Variants in PCDHGB2 observed in about 807,000 individuals in gnomAD.
PCDHGB2 encodes protocadherin gamma subfamily B, 2.
A neutral mutation model predicts 59.3 loss-of-function variants in PCDHGB2; 55 were observed. The observed-to-expected ratio is 0.93, with a 90% CI of 0.75 to 1.16. PCDHGB2 has a LOEUF of 1.16. Among genes scored for constraint, PCDHGB2 ranks in the 50% most tolerant of loss-of-function variants. PCDHGB2 has a pLI of 0.00. For missense variants in PCDHGB2, 1,228 were observed against 1,198.5 expected (o/e 1.02, Z -0.36); for synonymous variants, 516 against 512.0 (o/e 1.01, Z -0.11).
chr5:141,465,429 A>G (rs1191638112), intron 1 of PCDHGB2, among the ~76,000 whole-genome samples: 2 of 152,316 alleles, frequency 1.3e-5, no homozygotes, highest in East Asian at 3.9e-4. Context: ...AAAGGTGGGC[A>G]CTTAATGATT....
At chr5:141,374,613 A>G (rs1770655332) in intron 1 of PCDHGB2, 1 of 1,613,396 alleles carries the variant, frequency 6.2e-7, no homozygotes, top group African/African-American at 1.3e-5. Flanking sequence ...GGTAATAGTC[A>G]CTTCTCAGTG....
intron 1 of PCDHGB2, chr5:141,366,133 C>T (rs777240886): frequency 1.9e-6 from 3 of 1,614,216 alleles, no homozygotes; most frequent in Non-Finnish European, 2.5e-6. Context: ...CAGGCCAGAA[C>T]GCCTGGCTGT....
Position 141,431,374 on chromosome 5 carries a change from GGCT to G in PCDHGB2, c.2422-63429_2422-63427del, listed in dbSNP as rs752583215. The G allele has an allele frequency of 1.7e-4, 275 of 1,613,980 alleles. No individual in the cohort carries two copies. Among genetic ancestry groups the G allele is most frequent in the Non-Finnish European group, 2.0e-4 (238 of 1,180,036 alleles). On this transcript the variant is annotated intron_variant, in intron 1 of 3. Coordinates refer to ENST00000522605, the MANE Select transcript of PCDHGB2 (RefSeq NM_018923.3). This position sits in a 1 kb window ranked among gnomAD's most constrained non-coding sequence, Gnocchi z 4.8. Reference sequence around the variant, plus strand: ...AACGCGCCCTGGACCGCGAAGAAAAGGCTGCTCACCACCTGGTCCTTACGGCCT... The same window carrying G: ...AACGCGCCCTGGACCGCGAAGAAAAGGCTCACCACCTGGTCCTTACGGCCT...
chr5:141,500,520 T>TA (rs2099801149), intron 2 of PCDHGB2, among the ~76,000 whole-genome samples: 2 of 152,312 alleles, frequency 1.3e-5, no homozygotes, highest in Admixed American at 1.3e-4. Flanking sequence ...AGCTTCATTT[T>TA]AAAAAAATCT....
intron 1 of PCDHGB2, chr5:141,423,757 G>A: frequency 5.1e-6 from 2 of 395,134 alleles, no homozygotes; most frequent in Non-Finnish European, 7.1e-6. Flanking sequence ...GTTTGGGGGG[G>A]GGGTGGGGCG....
At chr5:141,409,571 T>A in intron 1 of PCDHGB2, 2 of 1,613,932 alleles carry the variant, frequency 1.2e-6, no homozygotes, top group Non-Finnish European at 1.7e-6. Context: ...CCAGACGTCC[T>A]ACGTGGTCCA....
chr5:141,473,233 C>T (rs116489525), intron 1 of PCDHGB2, among the ~76,000 whole-genome samples: 1,684 of 152,238 alleles, frequency 0.011, 34 homozygotes, highest in African/African-American at 0.039. Flanking sequence ...ATTGGATCCA[C>T]ACAAGTGAAT....
At chr5:141,403,688 A>G (rs1385402830) in intron 1 of PCDHGB2, 1 of 1,613,836 alleles carries the variant, frequency 6.2e-7, no homozygotes, top group Non-Finnish European at 8.5e-7. Flanking sequence ...TGCTCAACGG[A>G]TTTACCGAGT....
intron 1 of PCDHGB2, among the ~76,000 whole-genome samples, chr5:141,402,461 C>A (rs892900332): frequency 1.3e-5 from 2 of 151,994 alleles, no homozygotes; most frequent in East Asian, 3.8e-4. Context: ...GTTTACATAT[C>A]TAGAAATAGA....
At chr5:141,408,329 A>C (rs2095085203) in intron 1 of PCDHGB2, 1 of 1,613,580 alleles carries the variant, frequency 6.2e-7, no homozygotes, top group Non-Finnish European at 8.5e-7. Context: ...GGAGCTGGCC[A>C]AGGGCTCGGT....
chr5:141,372,977 T>C (rs1769216145), intron 1 of PCDHGB2: 2 of 661,598 alleles, frequency 3.0e-6, no homozygotes, highest in Admixed American at 3.3e-5. Context: ...CTGTAGAATA[T>C]CTGTGTTGCA....
chr5:141,494,740 T>C, intron 1 of PCDHGB2, 67 bp from the exon 2 acceptor site: 1 of 1,612,194 alleles, frequency 6.2e-7, no homozygotes, highest in Non-Finnish European at 8.5e-7. Context: ...GGCCCATCCC[T>C]AGGGGCTCGG....
chr5:141,478,774 G>T (rs1019315910), intron 1 of PCDHGB2: 1 of 1,496,268 alleles, frequency 6.7e-7, no homozygotes, highest in African/African-American at 1.4e-5. Flanking sequence ...ACTCATCTGT[G>T]GACCTAATTC....
At chr5:141,510,799 C>G in intron 3 of PCDHGB2, 148 bp from the exon 4 acceptor site, 1 of 1,481,460 alleles carries the variant, frequency 6.8e-7, no homozygotes. Context: ...TGAAGAGAGA[C>G]TACCTTGGTG....
Position 141,403,510 on chromosome 5 carries a change from C to T in PCDHGB2, c.2421+40954C>T, listed in dbSNP as rs201146573. ...TCTCCCTGAACGTGCAGACTGGAGA[C>T]AATGGAGCCATAAACCCAGAGCTGG... On this transcript the variant is annotated intron_variant, in intron 1 of 3. Transcript: ENST00000522605. 9.2e-4 allele frequency: 1,478 copies of T among 1,614,022 alleles called. 1 individual carries two copies. Among genetic ancestry groups the T allele is most frequent in the Non-Finnish European group, 1.2e-3 (1,414 of 1,179,888 alleles).
intron 1 of PCDHGB2, chr5:141,419,989 T>C (rs778087109): frequency 4.1e-5 from 66 of 1,613,962 alleles, no homozygotes; most frequent in Non-Finnish European, 5.2e-5. Context: ...TGATTCTAGC[T>C]ATTGCTCTAC....
rs1174072440 is a variant in PCDHGB2, at chr5:141,438,581, TACATACATAC to T, written c.2422-56224_2422-56215del. Among the ~76,000 whole-genome samples, 141 of 49,790 alleles carry T rather than the reference TACATACATAC, an allele frequency of 2.8e-3. 1 individual carries two copies. Among genetic ancestry groups the T allele is most frequent in the African/African-American group, 0.014 (97 of 6,866 alleles). 32.7% of individuals were successfully genotyped at this position (49,790 alleles called of 152,430 possible). A position where few individuals can be genotyped will look rare whatever the true frequency, so the allele number is the denominator to read the frequency against. On this transcript the variant is annotated intron_variant, in intron 1 of 3. Coordinates refer to ENST00000522605, the MANE Select transcript of PCDHGB2 (RefSeq NM_018923.3). ...GAGGCAGCTGTCTGATATACATACA[TACATACATAC>T]ATATATATATATATATATATATATA...
At chr5:141,407,524 C>CT (rs2094949017) in intron 1 of PCDHGB2, among the ~76,000 whole-genome samples, 1 of 146,696 alleles carries the variant, frequency 6.8e-6, no homozygotes, top group Admixed American at 6.8e-5. Flanking sequence ...TAGGACTTAA[C>CT]TTATTGTGCA....
In PCDHGB2 at chr5:141,489,681, A is replaced by T; in HGVS notation, c.2422-5126A>T. ...AGATGCGCATCTCAGAATCAGCAGC[A>T]TCTGGGGCACGATTCCCACTGGACA... On this transcript the variant is annotated intron_variant, in intron 1 of 3. Transcript: ENST00000522605. This position sits in a 1 kb window ranked among gnomAD's most constrained non-coding sequence, Gnocchi z 4.5. 1 of 1,614,174 alleles carries T rather than the reference A, an allele frequency of 6.2e-7. No individual in the cohort carries two copies. The highest frequency in any genetic ancestry group is 8.5e-7 in the Non-Finnish European group (1 of 1,180,010).
Sources: allele counts gnomAD v4.1 joint callset (sites outside exome capture counted in the v4.1 genomes callset), GRCh38; gene constraint gnomAD v4.1.1; non-coding constraint Gnocchi (gnomAD v3.1); transcripts MANE v1.5; gene names NCBI Gene and HGNC (gene_info 2026-07-23, HGNC 2026-07-21).